Variants in MARCHF1 observed in about 807,000 individuals in gnomAD.
MARCHF1 encodes the protein E3 ubiquitin-protein ligase MARCHF1.
Under a neutral mutation model 54.2 loss-of-function variants are expected in MARCHF1, and 40 were observed. That is an observed-to-expected ratio of 0.74 (90% CI 0.57 to 0.96). The LOEUF (loss-of-function observed/expected upper bound fraction) is 0.96, where lower values mean the gene tolerates loss of function less well. Among genes scored for constraint, MARCHF1 ranks in the 40% least tolerant of loss-of-function variants. The probability of loss-of-function intolerance (pLI) is 0.00; values close to 1 mark genes in which losing one functional copy is unlikely to be tolerated. For missense variants in MARCHF1, 586 were observed against 656.5 expected (o/e 0.89, Z 1.17); for synonymous variants, 236 against 236.3 (o/e 1.00, Z 0.01).
intron 8 of MARCHF1, among the ~76,000 whole-genome samples, 174 bp from the exon 9 acceptor site, chr4:163,545,917 C>G (rs560160449): frequency 1.5e-4 from 22 of 151,664 alleles, no homozygotes; most frequent in Non-Finnish European, 2.9e-4. Context: ...GAAATTATAA[C>G]CTAGAGAGTT....
At chr4:164,067,069 C>T (rs945938403) in intron 2 of MARCHF1, among the ~76,000 whole-genome samples, 8 of 152,028 alleles carry the variant, frequency 5.3e-5, no homozygotes, top group Admixed American at 4.6e-4. Flanking sequence ...CCTCTTAATA[C>T]TGCTTTTGCT....
At chr4:163,785,966 G>C (rs1747606656) in intron 4 of MARCHF1, among the ~76,000 whole-genome samples, 1 of 151,974 alleles carries the variant, frequency 6.6e-6, no homozygotes, top group Admixed American at 6.6e-5. Context: ...TAAAGAAGAA[G>C]AGGTCAGAAA....
intron 4 of MARCHF1, among the ~76,000 whole-genome samples, chr4:163,705,573 CA>C (rs1744926562): frequency 1.3e-5 from 2 of 151,898 alleles, no homozygotes. Flanking sequence ...TTGAAAGAGA[CA>C]AACATTATGA....
At chr4:164,341,036 C>T (rs990693171) in intron 1 of MARCHF1, among the ~76,000 whole-genome samples, 1 of 151,844 alleles carries the variant, frequency 6.6e-6, no homozygotes, top group Non-Finnish European at 1.5e-5. Flanking sequence ...ATACCTTCAG[C>T]AAGTAGAATT....
intron 1 of MARCHF1, among the ~76,000 whole-genome samples, chr4:164,311,736 T>C (rs560878483): frequency 6.6e-6 from 1 of 152,334 alleles, no homozygotes; most frequent in African/African-American, 2.4e-5. Context: ...TACTCAAAAG[T>C]ATTATTGGTG....
intron 5 of MARCHF1, among the ~76,000 whole-genome samples, chr4:163,614,989 G>A (rs1193216262): frequency 1.3e-5 from 2 of 152,146 alleles, no homozygotes; most frequent in Non-Finnish European, 2.9e-5. Flanking sequence ...GAGTTCTAGA[G>A]TTTCCAGAAG....
rs943479354 is a variant in MARCHF1, at chr4:163,543,107, C to T, written c.1339+2489G>A. Among the ~76,000 whole-genome samples, 5 of 152,048 alleles carry T rather than the reference C, an allele frequency of 3.3e-5. No homozygotes were observed. In the East Asian group the frequency reaches 5.8e-4, roughly 18 times the overall value. On this transcript the variant is annotated intron_variant, in intron 9 of 9. Coordinates refer to ENST00000514618, the MANE Select transcript of MARCHF1 (RefSeq NM_001394959.1). Reference sequence around the variant, plus strand: ...GCAGCATAGTCCCACTGAGGAATTTCGGTTACCTTTTAATGGTTAAGTGGG... The same window carrying T: ...GCAGCATAGTCCCACTGAGGAATTTTGGTTACCTTTTAATGGTTAAGTGGG...
chr4:164,137,251 T>C (rs1756421516), intron 1 of MARCHF1, among the ~76,000 whole-genome samples: 1 of 152,174 alleles, frequency 6.6e-6, no homozygotes, highest in African/African-American at 2.4e-5. Flanking sequence ...AACTTTAAAA[T>C]TGTCAGGATT....
intron 2 of MARCHF1, among the ~76,000 whole-genome samples, chr4:164,012,839 T>C (rs1010838389): frequency 7.2e-5 from 11 of 152,094 alleles, no homozygotes; most frequent in African/African-American, 2.7e-4. Flanking sequence ...TGGAGCCCCC[T>C]AGTGCGAAAC....
At chr4:163,545,567 A>G (rs1017287841) in intron 9 of MARCHF1, 29 bp downstream of exon 9, 2 of 1,602,358 alleles carry the variant, frequency 1.2e-6, no homozygotes, top group Non-Finnish European at 1.7e-6. Context: ...TTAGGATCCA[A>G]GAGGGTAAGA....
At chr4:163,916,605 A>G (rs536834522) in intron 3 of MARCHF1, among the ~76,000 whole-genome samples, 6 of 152,216 alleles carry the variant, frequency 3.9e-5, no homozygotes, top group Admixed American at 1.3e-4. Flanking sequence ...AAACACACCA[A>G]CTGGGCTACT....
chr4:163,722,453 T>C (rs2111295367), intron 4 of MARCHF1, among the ~76,000 whole-genome samples: 1 of 152,320 alleles, frequency 6.6e-6, no homozygotes, highest in South Asian at 2.1e-4. Flanking sequence ...CTTCCAACTA[T>C]GTGGTCAATT....
chr4:164,270,278 C>T (rs1004470136), intron 1 of MARCHF1, among the ~76,000 whole-genome samples: 1 of 152,182 alleles, frequency 6.6e-6, no homozygotes, highest in Admixed American at 6.6e-5. Context: ...ATTGCTCTTG[C>T]ATGTCCTTCA....
intron 3 of MARCHF1, among the ~76,000 whole-genome samples, chr4:163,922,891 T>A (rs1196631900): frequency 1.3e-5 from 2 of 152,056 alleles, no homozygotes; most frequent in South Asian, 2.1e-4. Flanking sequence ...TTTTTAAAAA[T>A]TTAGAAAAAA....
intron 1 of MARCHF1, among the ~76,000 whole-genome samples, chr4:164,212,373 C>CA (rs2111121999): frequency 6.6e-6 from 1 of 152,206 alleles, no homozygotes; most frequent in African/African-American, 2.4e-5. Flanking sequence ...AGCGATGAGT[C>CA]AGACTTTCAA....
At chr4:164,041,091 T>C (rs1754119507) in intron 2 of MARCHF1, among the ~76,000 whole-genome samples, 1 of 152,128 alleles carries the variant, frequency 6.6e-6, no homozygotes, top group African/African-American at 2.4e-5. Context: ...AACAAAACTG[T>C]TACCACATAT....
intron 4 of MARCHF1, among the ~76,000 whole-genome samples, chr4:163,721,141 T>C (rs1745441689): frequency 6.6e-6 from 1 of 152,230 alleles, no homozygotes; most frequent in African/African-American, 2.4e-5. Flanking sequence ...TTTTTGCCCA[T>C]TCGGTATGAT....
intron 1 of MARCHF1, among the ~76,000 whole-genome samples, chr4:164,270,179 C>T (rs1433293176): frequency 2.6e-5 from 4 of 152,126 alleles, no homozygotes; most frequent in African/African-American, 7.2e-5. Context: ...CCTTGTTGCT[C>T]CACAAAAACT....
chr4:164,338,708 C>T (rs193079106), intron 1 of MARCHF1, among the ~76,000 whole-genome samples: 1 of 152,106 alleles, frequency 6.6e-6, no homozygotes, highest in Non-Finnish European at 1.5e-5. Flanking sequence ...TGCGGTGGCT[C>T]ATGCCTGTAA....
Sources: allele counts gnomAD v4.1 joint callset (sites outside exome capture counted in the v4.1 genomes callset), GRCh38; gene constraint gnomAD v4.1.1; transcripts MANE v1.5; gene names NCBI Gene and HGNC (gene_info 2026-07-23, HGNC 2026-07-21).